Variants in MAP4K3 observed in about 807,000 individuals in gnomAD.
MAP4K3 encodes MAPK/ERK kinase kinase kinase 3.
Under a neutral mutation model 143.5 loss-of-function variants are expected in MAP4K3, and 94 were observed. That is an observed-to-expected ratio of 0.65 (90% CI 0.55 to 0.78). The LOEUF (loss-of-function observed/expected upper bound fraction) is 0.78. Ranked by LOEUF, MAP4K3 falls within the 30% of genes least tolerant of loss-of-function variation. The pLI is 0.00. For synonymous variants in MAP4K3, 416 were observed against 347.2 expected (o/e 1.20, Z -2.20); for missense variants, 1,077 against 1,068.1 (o/e 1.01, Z -0.12).
At chr2:39,367,494 T>A (rs551120308) in intron 2 of MAP4K3, among the ~76,000 whole-genome samples, 1 of 152,080 alleles carries the variant, frequency 6.6e-6, no homozygotes, top group East Asian at 1.9e-4. Context: ...GAGCTGTCAC[T>A]GTGCCACTGC....
intron 21 of MAP4K3, among the ~76,000 whole-genome samples, chr2:39,284,430 G>T (rs115282255): frequency 6.6e-6 from 1 of 152,016 alleles, no homozygotes; most frequent in Non-Finnish European, 1.5e-5. Flanking sequence ...CAAAGTGTAC[G>T]GATTATAGGT....
At chr2:39,316,360 A>C (rs1347924534) in intron 12 of MAP4K3, among the ~76,000 whole-genome samples, 4 of 152,120 alleles carry the variant, frequency 2.6e-5, no homozygotes, top group Non-Finnish European at 5.9e-5. Context: ...CTAGCTTGTC[A>C]GGAACAAAAC....
At chr2:39,271,565 A>T (rs1681024008) in intron 26 of MAP4K3, among the ~76,000 whole-genome samples, 1 of 152,222 alleles carries the variant, frequency 6.6e-6, no homozygotes, top group African/African-American at 2.4e-5. Flanking sequence ...CTAGAAAGGC[A>T]AAACCACTCA....
In MAP4K3 at chr2:39,251,849, T is replaced by TG; in HGVS notation, c.2577dup (p.Arg860GlnfsTer6). On this transcript the variant is annotated frameshift_variant, in exon 33 of 34. Transcript: ENST00000263881. LOFTEE classifies it high-confidence loss of function. ...TCATACCTGTCAGATCCAAGCAGCC[T>TG]GAAAATTCTTGTGCTATCTGAAATT... 6.2e-7 allele frequency: 1 copy of TG among 1,613,654 alleles called. No homozygotes were observed. The highest frequency in any genetic ancestry group is 8.5e-7 in the Non-Finnish European group (1 of 1,179,700).
In MAP4K3 at chr2:39,363,407, C is replaced by A. The variant is rs1665824639; in HGVS notation, c.155-7068G>T. The stretch of plus-strand genomic sequence containing the variant: ...AAAGGGCTCGGCGCAGTGGCTCATG[C>A]CTGTTATCCCAGCACTTTTGGAGGC... On this transcript the variant is annotated intron_variant, in intron 2 of 33. Coordinates refer to ENST00000263881, the MANE Select transcript of MAP4K3 (RefSeq NM_003618.4). Among the ~76,000 whole-genome samples, 2 of 152,174 alleles carry A rather than the reference C, an allele frequency of 1.3e-5. 1 individual carries two copies. The highest frequency in any genetic ancestry group is 3.8e-4 in the East Asian group (2 of 5,196).
chr2:39,260,579 C>G (rs1363346175), intron 29 of MAP4K3, 27 bp downstream of exon 29: 1 of 1,602,312 alleles, frequency 6.2e-7, no homozygotes. Context: ...ATGTATTACC[C>G]TTAATAATTC....
At chr2:39,389,906 A>G (rs889687707) in intron 1 of MAP4K3, among the ~76,000 whole-genome samples, 1 of 152,234 alleles carries the variant, frequency 6.6e-6, no homozygotes, top group African/African-American at 2.4e-5. Flanking sequence ...AATTTTTAAA[A>G]AACTAGAACT....
At chr2:39,280,182 A>C (rs1681455942) in intron 23 of MAP4K3, 90 bp downstream of exon 23, 2 of 727,358 alleles carry the variant, frequency 2.7e-6, no homozygotes, top group Non-Finnish European at 4.4e-6. Context: ...CCCCAGAAAG[A>C]TACTCAGAAA....
intron 1 of MAP4K3, among the ~76,000 whole-genome samples, chr2:39,384,600 T>C (rs1159327602): frequency 1.3e-5 from 2 of 152,164 alleles, no homozygotes; most frequent in African/African-American, 2.4e-5. Flanking sequence ...AAAAGAACTT[T>C]CTGCATTGAT....
chr2:39,364,843 G>A (rs1665874861), intron 2 of MAP4K3, among the ~76,000 whole-genome samples: 1 of 138,356 alleles, frequency 7.2e-6, no homozygotes, highest in Admixed American at 7.6e-5. Context: ...ACCAGCCTGG[G>A]CAACAGAGAG....
intron 2 of MAP4K3, among the ~76,000 whole-genome samples, chr2:39,362,822 C>T (rs1023295937): frequency 6.6e-6 from 1 of 152,170 alleles, no homozygotes; most frequent in Admixed American, 6.5e-5. Context: ...AGCAATCAAA[C>T]AATATGGCAC....
chr2:39,373,593 T>C (rs1323630350), intron 2 of MAP4K3, among the ~76,000 whole-genome samples: 1 of 152,050 alleles, frequency 6.6e-6, no homozygotes, highest in Non-Finnish European at 1.5e-5. Context: ...TACAATGGAG[T>C]ACTATTCAGC....
intron 27 of MAP4K3, 61 bp from the exon 28 acceptor site, chr2:39,265,367 G>A (rs1284506802): frequency 1.7e-5 from 17 of 1,001,498 alleles, no homozygotes; most frequent in Non-Finnish European, 2.7e-5. Context: ...GACAATAATT[G>A]CATGCTCAAA....
chr2:39,285,023 G>C (rs1303638608), intron 21 of MAP4K3, among the ~76,000 whole-genome samples: 2 of 151,902 alleles, frequency 1.3e-5, no homozygotes, highest in Non-Finnish European at 2.9e-5. Flanking sequence ...CTCCTGAGCA[G>C]CTAGGATTAT....
intron 31 of MAP4K3, 122 bp downstream of exon 31, chr2:39,258,226 C>G: frequency 5.2e-6 from 4 of 762,990 alleles, no homozygotes; most frequent in Non-Finnish European, 8.3e-6. Context: ...GCCACCATGC[C>G]CAGCCATATC....
At chr2:39,302,824 T>C (rs923086905) in intron 15 of MAP4K3, among the ~76,000 whole-genome samples, 4 of 152,332 alleles carry the variant, frequency 2.6e-5, no homozygotes, top group South Asian at 2.1e-4. Context: ...AGATTAAAAG[T>C]TCAAGATCGT....
intron 23 of MAP4K3, among the ~76,000 whole-genome samples, chr2:39,278,719 T>C (rs942379068): frequency 6.6e-6 from 1 of 152,116 alleles, no homozygotes; most frequent in Non-Finnish European, 1.5e-5. Context: ...TTCTGAAGAG[T>C]GGCATAGTAG....
intron 8 of MAP4K3, among the ~76,000 whole-genome samples, chr2:39,328,241 C>A (rs567510211): frequency 6.6e-6 from 1 of 151,994 alleles, no homozygotes; most frequent in Non-Finnish European, 1.5e-5. Flanking sequence ...TGAGGTGGGA[C>A]GATCGCTTGA....
intron 1 of MAP4K3, among the ~76,000 whole-genome samples, chr2:39,416,832 T>C (rs984771517): frequency 2.0e-5 from 3 of 152,208 alleles, no homozygotes; most frequent in East Asian, 1.9e-4. Context: ...GCCGAATGTA[T>C]GGAGTCTGGA....
Sources: allele counts gnomAD v4.1 joint callset (sites outside exome capture counted in the v4.1 genomes callset), GRCh38; gene constraint gnomAD v4.1.1; transcripts MANE v1.5; gene names NCBI Gene and HGNC (gene_info 2026-07-23, HGNC 2026-07-21).